STAU2: variants seen among roughly 807,000 people sequenced by gnomAD.
STAU2 encodes the protein staufen double-stranded RNA binding protein 2.
STAU2 carries 20 observed loss-of-function variants against 65.9 expected under a neutral mutation model. The ratio of observed to expected loss-of-function variants is 0.30; its 90% CI spans 0.21 to 0.44. STAU2 has a LOEUF of 0.44. STAU2 is among the 20% of genes least tolerant of loss of function. The pLI, the probability that STAU2 is intolerant of heterozygous loss-of-function variation, is 1.00. For missense variants in STAU2, 558 were observed against 683.9 expected, an observed-to-expected ratio of 0.82 and a Z score of 2.05; for synonymous variants, 232 against 233.9, an observed-to-expected ratio of 0.99 and a Z score of 0.07.
intron 12 of STAU2, among the ~76,000 whole-genome samples, chr8:73,568,926 G>A (rs557680579): frequency 6.6e-6 from 1 of 152,272 alleles, no homozygotes; most frequent in South Asian, 2.1e-4. Context: ...GAAGACGGGT[G>A]ATTTCTGCAT....
Position 73,510,136 on chromosome 8 carries a change from C to T in STAU2, c.1530+41876G>A, listed in dbSNP as rs565122171. The stretch of plus-strand genomic sequence containing the variant: ...AGGCTGGAGAGCAATGGCGTGATCT[C>T]GGCTCATGGCAACCTCCACCTCCTG... On this transcript the variant is annotated intron_variant, in intron 13 of 14. Transcript: ENST00000524300. Among the ~76,000 whole-genome samples the T allele has an allele frequency of 4.1e-4, 63 of 152,152 alleles. 2 individuals carry two copies. The South Asian group carries it at 0.011, about 27-fold the overall frequency.
At chr8:73,446,327 G>C (rs958407407) in intron 13 of STAU2, among the ~76,000 whole-genome samples, 4 of 152,254 alleles carry the variant, frequency 2.6e-5, no homozygotes, top group Non-Finnish European at 4.4e-5. Flanking sequence ...GCACGAGGGA[G>C]AGCCTCATGG....
At chr8:73,536,904 T>C (rs2128935790) in intron 13 of STAU2, among the ~76,000 whole-genome samples, 1 of 152,228 alleles carries the variant, frequency 6.6e-6, no homozygotes. Context: ...AAATCACCCT[T>C]ATACCAAGAA....
chr8:73,474,062 T>C (rs1820185044), intron 13 of STAU2, among the ~76,000 whole-genome samples: 1 of 152,184 alleles, frequency 6.6e-6, no homozygotes, highest in Non-Finnish European at 1.5e-5. Flanking sequence ...CAATGAAATA[T>C]TGTCTGCAAG....
intron 6 of STAU2, among the ~76,000 whole-genome samples, chr8:73,642,331 T>C (rs1815050816): frequency 6.6e-6 from 1 of 152,142 alleles, no homozygotes; most frequent in Non-Finnish European, 1.5e-5. Flanking sequence ...AAGACCATCC[T>C]GGCCAACATG....
In STAU2 at chr8:73,423,461, G is replaced by C. The variant is rs547136522; in HGVS notation, c.1531-759C>G. Reference sequence around the variant, plus strand: ...GTTATTTCTTTGAGTAAGAATTTGGGTCTTCCTCCCCTCCCCCAAGCCCGA... The same window carrying C: ...GTTATTTCTTTGAGTAAGAATTTGGCTCTTCCTCCCCTCCCCCAAGCCCGA... On this transcript the variant is annotated intron_variant, in intron 13 of 14. Coordinates refer to ENST00000524300, the MANE Select transcript of STAU2 (RefSeq NM_001164380.2). 1.2e-3 allele frequency among the ~76,000 whole-genome samples: 176 copies of C among 152,288 alleles called. 1 individual carries two copies. The highest frequency in any genetic ancestry group is 3.9e-3 in the African/African-American group (161 of 41,556).
At chr8:73,455,138 C>G (rs2128896643) in intron 13 of STAU2, among the ~76,000 whole-genome samples, 1 of 152,240 alleles carries the variant, frequency 6.6e-6, no homozygotes, top group East Asian at 1.9e-4. Context: ...GGCAGAAGGG[C>G]CATCTGGATC....
At chr8:73,680,886 C>T (rs4581047) in intron 5 of STAU2, among the ~76,000 whole-genome samples, 1,526 of 151,686 alleles carry the variant, frequency 0.01, 20 homozygotes, top group African/African-American at 0.031. Flanking sequence ...AAAGACAAGG[C>T]CTAATCAAAT....
At chr8:73,539,068 C>T (rs1447682378) in intron 13 of STAU2, among the ~76,000 whole-genome samples, 3 of 152,116 alleles carry the variant, frequency 2.0e-5, no homozygotes, top group African/African-American at 7.2e-5. Flanking sequence ...GCCCCAGAAA[C>T]TAAGAGAAAA....
chr8:73,544,274 T>C (rs1806747028), intron 13 of STAU2, among the ~76,000 whole-genome samples: 1 of 152,212 alleles, frequency 6.6e-6, no homozygotes, highest in Non-Finnish European at 1.5e-5. Flanking sequence ...ATCTTTATTC[T>C]TTCTTTCCTG....
At chr8:73,590,475 GA>G (rs1810693090) in intron 11 of STAU2, 1 of 151,928 alleles carries the variant, frequency 6.6e-6, no homozygotes, top group Non-Finnish European at 1.5e-5. Flanking sequence ...CCTATATCCA[GA>G]AAAAAATAAC....
intron 2 of STAU2, among the ~76,000 whole-genome samples, chr8:73,739,232 CAAAAAA>C (rs34324889): frequency 2.8e-5 from 3 of 106,442 alleles, no homozygotes; most frequent in African/African-American, 3.7e-5. Flanking sequence ...GACTCCATCT[CAAAAAA>C]AAAAAAAAAA....
At chr8:73,686,322 G>A (rs932997731) in intron 5 of STAU2, among the ~76,000 whole-genome samples, 5 of 151,798 alleles carry the variant, frequency 3.3e-5, no homozygotes, top group East Asian at 1.9e-4. Context: ...AGGCCGGGGT[G>A]GGCAGATCAT....
At chr8:73,607,098 G>A (rs539518676) in intron 9 of STAU2, among the ~76,000 whole-genome samples, 3 of 152,232 alleles carry the variant, frequency 2.0e-5, no homozygotes, top group Admixed American at 6.5e-5. Flanking sequence ...AAACAAATAC[G>A]AAAACATATC....
chr8:73,662,879 G>C (rs746734727), intron 6 of STAU2, among the ~76,000 whole-genome samples: 17 of 151,862 alleles, frequency 1.1e-4, no homozygotes, highest in Non-Finnish European at 2.1e-4. Flanking sequence ...GCCTCCCAAA[G>C]TGCTGGGATT....
intron 3 of STAU2, among the ~76,000 whole-genome samples, chr8:73,731,177 C>T (rs565367989): frequency 5.3e-5 from 8 of 152,294 alleles, no homozygotes; most frequent in South Asian, 2.1e-4. Flanking sequence ...CAAGCATCTA[C>T]GAAATCAGAA....
chr8:73,603,281 C>A (rs1586099708), intron 10 of STAU2, among the ~76,000 whole-genome samples: 1 of 152,126 alleles, frequency 6.6e-6, no homozygotes, highest in South Asian at 2.1e-4. Context: ...TCAGCCCCCA[C>A]CATGGTTAGC....
At chr8:73,543,635 A>C (rs12549456) in intron 13 of STAU2, among the ~76,000 whole-genome samples, 107,160 of 152,046 alleles carry the variant, frequency 0.7, 38,536 homozygotes, top group Non-Finnish European at 0.79. Flanking sequence ...CCTCTTCCAC[A>C]CTACCATTCT....
intron 3 of STAU2, among the ~76,000 whole-genome samples, chr8:73,726,738 G>A (rs568990937): frequency 7.9e-5 from 12 of 151,630 alleles, no homozygotes; most frequent in African/African-American, 2.7e-4. Flanking sequence ...TTTTCCCCTC[G>A]TGTCTTGAAC....
Sources: gnomAD v4.1 joint callset for allele counts (sites outside exome capture counted in the v4.1 genomes callset) on GRCh38, gnomAD v4.1.1 for gene constraint, MANE v1.5 for transcripts, NCBI Gene and HGNC (gene_info 2026-07-23, HGNC 2026-07-21) for gene names.